JPT1: variants seen among roughly 807,000 people sequenced by gnomAD.
The protein encoded by JPT1 is androgen-regulated protein 2.
In JPT1, 5 loss-of-function variants were observed where a neutral mutation model predicts 17.0. The ratio of observed to expected loss-of-function variants is 0.29; its 90% confidence interval spans 0.15 to 0.62. The LOEUF (loss-of-function observed/expected upper bound fraction) is 0.62, where lower values mean the gene tolerates loss of function less well. Ranked by LOEUF, JPT1 falls within the 20% of genes least tolerant of loss-of-function variation. The pLI is 0.85. For missense variants in JPT1, 158 were observed against 188.1 expected, an observed-to-expected ratio of 0.84 and a Z score of 0.94; for synonymous variants, 71 against 73.6, an observed-to-expected ratio of 0.96 and a Z score of 0.18.
intron 2 of JPT1, chr17:75,147,985 A>C (rs1008864820): frequency 4.5e-5 from 12 of 268,110 alleles, no homozygotes; most frequent in African/African-American, 2.4e-4. Context: ...CAGCCTGGGC[A>C]ACAGAATGAG....
intron 4 of JPT1, chr17:75,142,666 G>C: frequency 2.7e-6 from 1 of 367,222 alleles, no homozygotes; most frequent in Non-Finnish European, 5.3e-6. Flanking sequence ...GGAAGGGGGA[G>C]GAAGGGAACG....
At chr17:75,148,751 T>A in intron 1 of JPT1, 80 bp from the exon 2 acceptor site, 1 of 1,499,366 alleles carries the variant, frequency 6.7e-7, no homozygotes, top group Non-Finnish European at 9.1e-7. Context: ...AACTTTCATT[T>A]CACTTTCCTC....
In JPT1 at chr17:75,136,264, G is replaced by A. The variant is rs2074193955; in HGVS notation, c.317-14C>T. On this transcript the variant is annotated splice_polypyrimidine_tract_variant and intron_variant, in intron 4 of 4. Coordinates refer to ENST00000409753, the MANE Select transcript of JPT1 (RefSeq NM_016185.4). ...TGTCCACATTTTCTATGAAAACAGG[G>A]AATAGAAATAATACTCATAATGACA... The A allele has an allele frequency of 6.4e-7, 1 of 1,562,470 alleles. No individual in the cohort carries two copies. Among genetic ancestry groups the A allele is most frequent in the Non-Finnish European group, 8.7e-7 (1 of 1,152,282 alleles).
intron 4 of JPT1, chr17:75,142,814 T>C (rs1417340158): frequency 2.2e-6 from 1 of 455,886 alleles, no homozygotes; most frequent in African/African-American, 2.0e-5. Context: ...CAGTAATTAA[T>C]ACATACATCT....
chr17:75,154,305 A>G, intron 1 of JPT1, 37 bp downstream of exon 1: 2 of 1,517,044 alleles, frequency 1.3e-6, no homozygotes, highest in Non-Finnish European at 1.8e-6. Flanking sequence ...CCAGCCCCTC[A>G]GCCCCGCGCG....
At chr17:75,140,074 C>T (rs182982118) in intron 4 of JPT1, among the ~76,000 whole-genome samples, 3 of 152,166 alleles carry the variant, frequency 2.0e-5, no homozygotes, top group Non-Finnish European at 2.9e-5. Context: ...CGTGCCACCA[C>T]GCCTGGCTAA....
intron 1 of JPT1, among the ~76,000 whole-genome samples, chr17:75,150,859 T>TTTTTTTTTTTTTTTTTTTTTTTTGTTTTG (rs2074537720): frequency 7.1e-6 from 1 of 140,194 alleles, no homozygotes; most frequent in African/African-American, 2.6e-5. Context: ...TTTTTTTTTT[T>TTTTTTTTTTTTTTTTTTTTTTTTGTTTTG]TTTTTTTTTT....
At chr17:75,138,963 G>A (rs1381626064) in intron 4 of JPT1, among the ~76,000 whole-genome samples, 1 of 152,080 alleles carries the variant, frequency 6.6e-6, no homozygotes, top group African/African-American at 2.4e-5. Context: ...AGAGTATGAA[G>A]CTTTTCAGAA....
Position 75,148,606 on chromosome 17 carries a change from G to C in JPT1, c.122C>G (p.Pro41Arg). 6.2e-7 allele frequency: 1 copy of C among 1,614,136 alleles called. No homozygotes were observed. Among genetic ancestry groups the C allele is most frequent in the South Asian group, 1.1e-5 (1 of 91,090 alleles). Reference sequence around the variant, plus strand: ...AGAGGCCATTTTGTTCTTCCTCACAGGTTGTTCTGTTGGTTCATCAAAACC... The same window carrying C: ...AGAGGCCATTTTGTTCTTCCTCACACGTTGTTCTGTTGGTTCATCAAAACC... ...SLGFDEPTEQPVRKNKMASNI... is the reference protein window; with the variant it reads ...SLGFDEPTEQRVRKNKMASNI... The change falls in exon 2 of 5, where the codon CCT becomes CGT. Residue 41 changes from proline to arginine, a missense_variant. Pro to Arg is a moderately radical substitution (Grantham distance 103). Transcript: ENST00000409753.
intron 4 of JPT1, chr17:75,142,916 T>A: frequency 2.5e-6 from 1 of 394,382 alleles, no homozygotes; most frequent in Non-Finnish European, 5.1e-6. Context: ...TCTGTTTTTG[T>A]CCACAGCTAC....
chr17:75,144,673 C>G (rs1476961584), intron 4 of JPT1, among the ~76,000 whole-genome samples: 1 of 151,982 alleles, frequency 6.6e-6, no homozygotes, highest in Non-Finnish European at 1.5e-5. Context: ...TTCCAGAGGC[C>G]CAGACTTACA....
chr17:75,135,717 G>A lies in JPT1; in HGVS notation c.*385C>T. 1 of 253,934 alleles carries A rather than the reference G, an allele frequency of 3.9e-6. No homozygotes were observed. The highest frequency in any genetic ancestry group is 7.5e-6 in the Non-Finnish European group (1 of 133,874). The allele number at this position is 253,934 out of a possible 1,614,324, so 15.7% of individuals were successfully genotyped here. A position where few individuals can be genotyped will look rare whatever the true frequency, so the allele number is the denominator to read the frequency against. On this transcript the variant is annotated 3_prime_UTR_variant, in exon 5 of 5. Transcript: ENST00000409753. ...TGCGGAGAGACTCCCTGTGGGTTGGGGCCTGGCAGGAACGGTGCCTGTGGA... is the reference window on the plus strand; with the variant it reads ...TGCGGAGAGACTCCCTGTGGGTTGGAGCCTGGCAGGAACGGTGCCTGTGGA...
chr17:75,152,042 C>A (rs1199684536), intron 1 of JPT1, among the ~76,000 whole-genome samples: 1 of 152,024 alleles, frequency 6.6e-6, no homozygotes, highest in Non-Finnish European at 1.5e-5. Context: ...AAAACTCTAA[C>A]CAGTCCCACT....
intron 4 of JPT1, 160 bp downstream of exon 4, chr17:75,146,495 TTATGTTTCTAG>T (rs2074437437): frequency 1.9e-6 from 1 of 539,552 alleles, no homozygotes. Context: ...TTCCCTTCTA[TTATGTTTCTAG>T]CATTGATCGC....
intron 1 of JPT1, among the ~76,000 whole-genome samples, chr17:75,150,210 C>G (rs2074520731): frequency 6.6e-6 from 1 of 152,036 alleles, no homozygotes; most frequent in South Asian, 2.1e-4. Context: ...TGCCACCTCT[C>G]AAAACAGAAA....
At chr17:75,148,210 A>G (rs1368180198) in intron 2 of JPT1, among the ~76,000 whole-genome samples, 1 of 151,936 alleles carries the variant, frequency 6.6e-6, no homozygotes, top group Non-Finnish European at 1.5e-5. Flanking sequence ...TGTAAGCTAG[A>G]TTTTGTTATT....
chr17:75,139,772 C>T (rs567720892), intron 4 of JPT1, among the ~76,000 whole-genome samples: 6 of 151,776 alleles, frequency 4.0e-5, no homozygotes, highest in African/African-American at 7.3e-5. Flanking sequence ...GAGCCAAGAT[C>T]GTGCCACAGC....
rs996495651 is a variant in JPT1, at chr17:75,154,510, G to A, written c.-113C>T. 8.4e-6 allele frequency: 8 copies of A among 947,692 alleles called. No individual in the cohort carries two copies. The highest frequency in any genetic ancestry group is 5.4e-4 in the Middle Eastern group (2 of 3,670). The allele number at this position is 947,692 out of a possible 1,614,324, so 58.7% of individuals were successfully genotyped here. A position where few individuals can be genotyped will look rare whatever the true frequency, so the allele number is the denominator to read the frequency against. ...GCCGACCACCGCTGCAGGAGCCGCC[G>A]CTGCCGCCTGTCCGGCCGATCGACG... On this transcript the variant is annotated 5_prime_UTR_variant, in exon 1 of 5. Transcript: ENST00000409753.
intron 1 of JPT1, 98 bp downstream of exon 1, chr17:75,154,244 G>A: frequency 1.0e-6 from 1 of 977,440 alleles, no homozygotes; most frequent in Non-Finnish European, 1.4e-6. Context: ...ACAGCGCACG[G>A]GGCTCGTTAC....
Sources: allele counts gnomAD v4.1 joint callset (sites outside exome capture counted in the v4.1 genomes callset), GRCh38; gene constraint gnomAD v4.1.1; transcripts MANE v1.5; gene names NCBI Gene and HGNC (gene_info 2026-07-23, HGNC 2026-07-21).